Variants in PCNT observed in about 807,000 individuals in gnomAD.
PCNT encodes the protein kendrin.
Under a neutral mutation model 380.4 loss-of-function variants are expected in PCNT, and 319 were observed. The ratio of observed to expected loss-of-function variants is 0.84; its 90% CI spans 0.77 to 0.92. PCNT has a LOEUF of 0.92. Among genes scored for constraint, PCNT ranks in the 40% least tolerant of loss-of-function variants. The pLI is 0.00. For synonymous variants in PCNT, 1,845 were observed against 1,735.2 expected, an observed-to-expected ratio of 1.06 and a Z score of -1.57; for missense variants, 4,400 against 4,255.3, an observed-to-expected ratio of 1.03 and a Z score of -0.95.
chr21:46,392,108 T>C (rs2086054080), intron 21 of PCNT, among the ~76,000 whole-genome samples: 1 of 152,226 alleles, frequency 6.6e-6, no homozygotes, highest in Admixed American at 6.5e-5. Context: ...TTTTACATTT[T>C]TCTCTTTAGA....
At chr21:46,406,615 C>T (rs2147594292) in intron 27 of PCNT, among the ~76,000 whole-genome samples, 1 of 152,292 alleles carries the variant, frequency 6.6e-6, no homozygotes, top group African/African-American at 2.4e-5. Flanking sequence ...ATTACAATGT[C>T]TAGCACTCCC....
intron 21 of PCNT, among the ~76,000 whole-genome samples, chr21:46,394,828 C>T (rs1028424633): frequency 6.6e-6 from 1 of 152,242 alleles, no homozygotes; most frequent in African/African-American, 2.4e-5. Context: ...GGCTGGGTCC[C>T]AGCTCTGGTC....
In PCNT at chr21:46,416,113, T is replaced by C. The variant is rs148389745; in HGVS notation, c.6195T>C (p.Asp2065=). 1 of 1,614,158 alleles carries C rather than the reference T, an allele frequency of 6.2e-7. No homozygotes were observed. Among genetic ancestry groups the C allele is most frequent in the Non-Finnish European group, 8.5e-7 (1 of 1,180,040 alleles). Residue 2065 remains aspartate (D), a synonymous_variant, in exon 30 of 47, where the codon GAT becomes GAC. Transcript: ENST00000359568. ...AAGATTGTCAGCTGCCGAAGGTCGA[T>C]CTCGTAGCTCAGGTGAAACAGCTTC... ...VLEDCQLPKV[D]LVAQVKQLQE...
At chr21:46,335,926 T>C (rs2083721676) in intron 3 of PCNT, among the ~76,000 whole-genome samples, 1 of 152,110 alleles carries the variant, frequency 6.6e-6, no homozygotes, top group Admixed American at 6.6e-5. Flanking sequence ...GATCTGCTCG[T>C]CTCAGCCTCC....
intron 3 of PCNT, among the ~76,000 whole-genome samples, chr21:46,337,754 G>C (rs1016414501): frequency 6.7e-6 from 1 of 150,060 alleles, no homozygotes; most frequent in African/African-American, 2.5e-5. Flanking sequence ...GGCTAGTTTT[G>C]TATTTTTAGT....
chr21:46,384,129 T>C (rs2085722731), intron 16 of PCNT, among the ~76,000 whole-genome samples: 1 of 142,248 alleles, frequency 7.0e-6, no homozygotes, highest in Admixed American at 7.1e-5. Flanking sequence ...GTGTTGTATA[T>C]TCAGTGATGG....
chr21:46,411,639 A>G lies in PCNT; in HGVS notation c.5566A>G (p.Ile1856Val). 6.2e-7 allele frequency: 1 copy of G among 1,613,066 alleles called. No individual in the cohort carries two copies. Among genetic ancestry groups the G allele is most frequent in the Non-Finnish European group, 8.5e-7 (1 of 1,179,880 alleles). Residue 1856 changes from isoleucine (I) to valine (V), a missense_variant, in exon 28 of 47, where the codon ATC (isoleucine) becomes GTC (valine). Coordinates refer to ENST00000359568, the MANE Select transcript of PCNT (RefSeq NM_006031.6). ...TGAGGTCGAAGACATGGCCTCCCGG[A>G]TCCAGGAGTTCGAAGCGGCCCTGAA... ...EAEVEDMASR[I>V]QEFEAALKAK...
intron 27 of PCNT, among the ~76,000 whole-genome samples, chr21:46,410,823 A>G (rs906054580): frequency 2.6e-5 from 4 of 152,368 alleles, no homozygotes; most frequent in African/African-American, 9.6e-5. Flanking sequence ...TGGAGTCAGA[A>G]TGACACCTAA....
At chr21:46,384,591 C>G (rs1794730903) in intron 16 of PCNT, among the ~76,000 whole-genome samples, 1 of 144,830 alleles carries the variant, frequency 6.9e-6, no homozygotes, top group Non-Finnish European at 1.5e-5. Context: ...GAAGCCCATT[C>G]ACAGTGCTGT....
At chr21:46,392,079 TTTA>T (rs200553388) in intron 21 of PCNT, among the ~76,000 whole-genome samples, 3 of 152,292 alleles carry the variant, frequency 2.0e-5, no homozygotes, top group Admixed American at 1.3e-4. Flanking sequence ...AGAAGTCTCA[TTTA>T]TTATTATTAT....
At position 46,445,471 on chromosome 21, in the gene PCNT, G is replaced by A. The variant is rs1056143253; in HGVS notation, c.*144G>A. 6.6e-6 allele frequency: 5 copies of A among 754,482 alleles called. No individual in the cohort carries two copies. In the African/African-American group the frequency reaches 8.6e-5, roughly 13 times the overall value. The allele number at this position is 754,482 out of a possible 1,614,324, so 46.7% of individuals were successfully genotyped here. A position where few individuals can be genotyped will look rare whatever the true frequency, so the allele number is the denominator to read the frequency against. On this transcript the variant is annotated 3_prime_UTR_variant, in exon 47 of 47. Transcript: ENST00000359568. ...AGCCCCCAGATGCCTTGAATTAAGT[G>A]TCCTCACCTTTATGCATGACTGCAA...
chr21:46,394,443 C>T, intron 21 of PCNT: 1 of 831,668 alleles, frequency 1.2e-6, no homozygotes, highest in Non-Finnish European at 1.5e-6. Flanking sequence ...GGTTCTAGCT[C>T]TCACATTCTC....
chr21:46,359,491 G>GTT (rs1219693835), intron 13 of PCNT, among the ~76,000 whole-genome samples: 2 of 66,074 alleles, frequency 3.0e-5, no homozygotes, highest in Admixed American at 2.0e-4. Flanking sequence ...TTTTTTTTTT[G>GTT]TTTTTTTTTT....
chr21:46,393,628 A>G (rs911793840), intron 21 of PCNT, among the ~76,000 whole-genome samples: 5 of 152,144 alleles, frequency 3.3e-5, no homozygotes, highest in African/African-American at 1.2e-4. Context: ...CCGGGCAGAT[A>G]AAGGGGTGTG....
Position 46,411,468 on chromosome 21 carries a change from A to T in PCNT, c.5395A>T (p.Lys1799Ter), listed in dbSNP as rs199566483. The change falls in exon 28 of 47, where the codon AAG becomes TAG. Residue 1799 changes from lysine (K) to a stop codon, truncating the protein, a stop_gained. Coordinates refer to ENST00000359568, the MANE Select transcript of PCNT (RefSeq NM_006031.6). LOFTEE classifies it high-confidence loss of function. ...CGAGCTCGAGGCTGCGCTGGAAGCCAAGGAGGCCCTGAGCCGGCTGCTGGC... is the reference window on the plus strand; with the variant it reads ...CGAGCTCGAGGCTGCGCTGGAAGCCTAGGAGGCCCTGAGCCGGCTGCTGGC... ...QGELEAALEA[K>*]EALSRLLADQ... The T allele has an allele frequency of 1.5e-5, 24 of 1,610,274 alleles. No homozygotes were observed. Among genetic ancestry groups the T allele is most frequent in the Non-Finnish European group, 1.8e-5 (21 of 1,179,030 alleles).
At chr21:46,370,101 T>TA (rs1240519478) in intron 15 of PCNT, among the ~76,000 whole-genome samples, 1 of 152,082 alleles carries the variant, frequency 6.6e-6, no homozygotes, top group Non-Finnish European at 1.5e-5. Context: ...TTCAGGCACT[T>TA]ACGGATACAC....
chr21:46,403,460 C>A (rs9978980), intron 27 of PCNT, among the ~76,000 whole-genome samples: 1 of 122,986 alleles, frequency 8.1e-6, no homozygotes, highest in East Asian at 2.8e-4. Flanking sequence ...GGTGCCCACG[C>A]GGCACGTGCT....
intron 7 of PCNT, among the ~76,000 whole-genome samples, 158 bp downstream of exon 7, chr21:46,349,344 G>A (rs2084186741): frequency 6.6e-6 from 1 of 152,206 alleles, no homozygotes; most frequent in Non-Finnish European, 1.5e-5. Flanking sequence ...TGGCCGTCAT[G>A]GGTCACAGGT....
chr21:46,443,661 T>G, intron 44 of PCNT, 149 bp from the exon 45 acceptor site: 2 of 789,526 alleles, frequency 2.5e-6, no homozygotes, highest in Non-Finnish European at 4.4e-6. Flanking sequence ...TTTAAAAAGA[T>G]ATTGTACCTT....
Sources: allele counts gnomAD v4.1 joint callset (sites outside exome capture counted in the v4.1 genomes callset), GRCh38; gene constraint gnomAD v4.1.1; transcripts MANE v1.5; gene names NCBI Gene and HGNC (gene_info 2026-07-23, HGNC 2026-07-21).